The following LDB3 variants were observed in gnomAD, a reference collection of about 807,000 sequenced individuals.
LDB3 encodes the protein LIM domain-binding protein 3.
In LDB3, 49 loss-of-function variants were observed where a neutral mutation model predicts 69.0. That is an observed-to-expected ratio of 0.71 (90% CI 0.56 to 0.90). LDB3 has a LOEUF of 0.90. Ranked by LOEUF, LDB3 falls within the 40% of genes least tolerant of loss-of-function variation. LDB3 has a pLI of 0.00. For missense variants in LDB3, 928 were observed against 974.1 expected, an observed-to-expected ratio of 0.95 and a Z score of 0.63; for synonymous variants, 387 against 396.2, an observed-to-expected ratio of 0.98 and a Z score of 0.28.
rs544148922 is a variant in LDB3, at chr10:86,681,427, C to T, written c.322-9C>T. The T allele has an allele frequency of 6.2e-7, 1 of 1,600,732 alleles. No individual in the cohort carries two copies. The highest frequency in any genetic ancestry group is 2.2e-5 in the East Asian group (1 of 44,872). On this transcript the variant is annotated splice_polypyrimidine_tract_variant and intron_variant, in intron 4 of 13. Transcript: ENST00000361373. ...TTCTCTCTCCCCTGCATGGCCTGCC[C>T]TGTGCCAGGACCCCGCTCTGGACAC...
At chr10:86,685,784 G>C (rs528373657) in intron 5 of LDB3, 6 of 1,491,092 alleles carry the variant, frequency 4.0e-6, no homozygotes, top group Admixed American at 1.7e-5. Context: ...GATAGAGTGT[G>C]CCTGCTGGCA....
chr10:86,672,480 A>G (rs1844542245), intron 2 of LDB3, among the ~76,000 whole-genome samples: 1 of 152,206 alleles, frequency 6.6e-6, no homozygotes. Flanking sequence ...CTGTGCCGGC[A>G]ATTCCTGGAA....
intron 13 of LDB3, among the ~76,000 whole-genome samples, chr10:86,731,915 A>T (rs1589690655): frequency 2.2e-5 from 3 of 138,682 alleles, no homozygotes; most frequent in African/African-American, 5.5e-5. Flanking sequence ...TTTTTGTTTT[A>T]TTTGTCTTGC....
intron 11 of LDB3, 58 bp downstream of exon 11, chr10:86,718,202 G>A: frequency 6.5e-7 from 1 of 1,527,072 alleles, no homozygotes; most frequent in Admixed American, 1.7e-5. Context: ...CCTTCCCCAA[G>A]ATCGTGGGAT....
In LDB3 at chr10:86,696,020, G is replaced by C. The variant is rs1225361662; in HGVS notation, c.896+3449G>C. On this transcript the variant is annotated intron_variant, in intron 7 of 13. Transcript: ENST00000361373. ...AGCTGATCTTAGTGAAGAGTCCCTA[G>C]AGGAGCTGAAGGTGCATCACATAGC... is the stretch of plus-strand genomic sequence containing the variant. Among the ~76,000 whole-genome samples, 3 of 152,202 alleles carry C rather than the reference G, an allele frequency of 2.0e-5. No individual in the cohort carries two copies. The East Asian group carries it at 5.8e-4, about 29-fold the overall frequency.
At chr10:86,727,716 T>C (rs1029696271) in intron 13 of LDB3, among the ~76,000 whole-genome samples, 1 of 152,222 alleles carries the variant, frequency 6.6e-6, no homozygotes, top group East Asian at 1.9e-4. Context: ...TGGCATTTCT[T>C]GGCTTGCAGC....
At chr10:86,675,608 T>C (rs920204769) in intron 2 of LDB3, among the ~76,000 whole-genome samples, 2 of 152,230 alleles carry the variant, frequency 1.3e-5, no homozygotes, top group African/African-American at 2.4e-5. Context: ...GGGAGCCCCA[T>C]GGGCAGTTCA....
chr10:86,699,141 T>A lies in LDB3; in HGVS notation c.896+6570T>A. ...CTCCAAGCCCGTTCCCTCCCTCCCA[T>A]GCCCTCTGCCCCACCTGTTAGACAG... is the stretch of plus-strand genomic sequence containing the variant. On this transcript the variant is annotated intron_variant, in intron 7 of 13. Coordinates refer to ENST00000361373, the MANE Select transcript of LDB3 (RefSeq NM_007078.3). The surrounding 1 kb of genome is among the most constrained non-coding windows in gnomAD (Gnocchi z 4.9). 9.6e-5 allele frequency: 87 copies of A among 902,514 alleles called. No homozygotes were observed. Among genetic ancestry groups the A allele is most frequent in the Middle Eastern group, 2.8e-4 (1 of 3,616 alleles). 55.9% of individuals were successfully genotyped at this position (902,514 alleles called of 1,614,324 possible).
intron 9 of LDB3, among the ~76,000 whole-genome samples, chr10:86,711,954 A>G (rs1846686147): frequency 6.6e-6 from 1 of 152,054 alleles, no homozygotes; most frequent in African/African-American, 2.4e-5. Flanking sequence ...CCAATTAGAG[A>G]TGAAATATCA....
Position 86,668,696 on chromosome 10 carries a change from C to A in LDB3, c.5C>A (p.Ser2Tyr), listed in dbSNP as rs1564626030. The A allele has an allele frequency of 6.2e-7, 1 of 1,613,256 alleles. No homozygotes were observed. Among genetic ancestry groups the A allele is most frequent in the Non-Finnish European group, 8.5e-7 (1 of 1,179,842 alleles). Residue 2 changes from serine (S) to tyrosine (Y), a missense_variant, in exon 2 of 14, where the codon TCT (serine) becomes TAT (tyrosine). By Grantham distance (144) the Ser-to-Tyr change is moderately radical. Transcript: ENST00000361373. MSYSVTLTGPGP... is the reference protein window; with the variant it reads MYYSVTLTGPGP... ...GCGGCCGCTGACAGCACCAGCATGTCTTACAGTGTGACCCTGACTGGGCCC... is the reference window on the plus strand; with the variant it reads ...GCGGCCGCTGACAGCACCAGCATGTATTACAGTGTGACCCTGACTGGGCCC...
intron 7 of LDB3, chr10:86,700,119 CAG>C (rs1279213279): frequency 1.1e-6 from 1 of 938,774 alleles, no homozygotes; most frequent in East Asian, 1.2e-4. Context: ...TGATCTGGGA[CAG>C]AGAGAGGACA....
At chr10:86,718,695 T>C in intron 11 of LDB3, 32 bp from the exon 12 acceptor site, 1 of 1,614,080 alleles carries the variant, frequency 6.2e-7, no homozygotes. Context: ...CCCTCTCTCC[T>C]TTCTGTCCTG....
In LDB3 at chr10:86,716,700, C is replaced by T. The variant is rs727505207; in HGVS notation, c.1605C>T (p.Thr535=). 1.4e-5 allele frequency: 23 copies of T among 1,613,718 alleles called. No homozygotes were observed. The highest frequency in any genetic ancestry group is 2.2e-5 in the East Asian group (1 of 44,856). ...AGGTGCCACCACTTGCCAGGGGGACCGTCCAGAGGGCTGAGCGATTCCCAG... is the reference window on the plus strand; with the variant it reads ...AGGTGCCACCACTTGCCAGGGGGACTGTCCAGAGGGCTGAGCGATTCCCAG... ...GPQVPPLARG[T]VQRAERFPAS... Residue 535 remains threonine (T), a synonymous_variant, in exon 10 of 14, where the codon ACC becomes ACT. Transcript: ENST00000361373.
intron 4 of LDB3, 126 bp from the exon 5 acceptor site, chr10:86,681,310 G>A (rs372436525): frequency 1.8e-5 from 25 of 1,403,982 alleles, no homozygotes; most frequent in South Asian, 8.2e-5. Flanking sequence ...GCGCCCAGGC[G>A]CTCTGGGCTT....
Position 86,718,836 on chromosome 10 carries a change from A to C in LDB3, c.1967A>C (p.Tyr656Ser), listed in dbSNP as rs1463006408. Residue 656 changes from tyrosine to serine, a missense_variant, in exon 12 of 14, where the codon TAC becomes TCC. Physicochemically the swap from Tyr to Ser is moderately radical, Grantham distance 144 (BLOSUM62 -2). Transcript: ENST00000361373. ...SLFHMEDGEP[Y>S]CEKDYINLFS... is the part of the protein sequence containing the mutation. ...TTCCACATGGAAGACGGGGAGCCCT[A>C]CTGCGAGAAAGGTAGGAACACTTCG... The C allele has an allele frequency of 6.2e-7, 1 of 1,614,040 alleles. No homozygotes were observed. Among genetic ancestry groups the C allele is most frequent in the Non-Finnish European group, 8.5e-7 (1 of 1,180,022 alleles).
chr10:86,669,278 G>T (rs1392380184), intron 2 of LDB3, among the ~76,000 whole-genome samples: 1 of 152,062 alleles, frequency 6.6e-6, no homozygotes, highest in Non-Finnish European at 1.5e-5. Flanking sequence ...GGGCTGGGCT[G>T]GACTGAGTAC....
intron 2 of LDB3, among the ~76,000 whole-genome samples, chr10:86,673,082 G>A (rs1467681558): frequency 6.6e-6 from 1 of 152,244 alleles, no homozygotes; most frequent in Admixed American, 6.5e-5. Flanking sequence ...GCACCCCTTT[G>A]GGACCAGGCT....
intron 8 of LDB3, 80 bp downstream of exon 8, chr10:86,706,799 G>A (rs1846462977): frequency 1.8e-5 from 27 of 1,472,588 alleles, no homozygotes; most frequent in Non-Finnish European, 2.3e-5. Flanking sequence ...CCTGTGGCCA[G>A]CTGTGTCCAA....
intron 5 of LDB3, among the ~76,000 whole-genome samples, chr10:86,686,480 C>T (rs1845472760): frequency 6.6e-6 from 1 of 152,160 alleles, no homozygotes; most frequent in African/African-American, 2.4e-5. Context: ...TCAGGCTGAG[C>T]CAGGCACTGC....
Sources: allele counts gnomAD v4.1 joint callset (sites outside exome capture counted in the v4.1 genomes callset), GRCh38; gene constraint gnomAD v4.1.1; non-coding constraint Gnocchi (gnomAD v3.1); transcripts MANE v1.5; gene names NCBI Gene and HGNC (gene_info 2026-07-23, HGNC 2026-07-21).